The following NRXN1 variants were observed in gnomAD, a reference collection of about 807,000 sequenced individuals.
NRXN1 encodes the protein neurexin-1.
Under a neutral mutation model 150.9 loss-of-function variants are expected in NRXN1, and 39 were observed. The ratio of observed to expected loss-of-function variants is 0.26; its 90% CI spans 0.20 to 0.34. NRXN1 has a LOEUF of 0.34. Ranked by LOEUF, NRXN1 falls within the 10% of genes least tolerant of loss-of-function variation. The pLI is 1.00. For synonymous variants in NRXN1, 924 were observed against 757.0 expected, an observed-to-expected ratio of 1.22 and a Z score of -3.62; for missense variants, 1,815 against 1,949.9, an observed-to-expected ratio of 0.93 and a Z score of 1.30.
chr2:50,514,323 A>G (rs2092562242), intron 12 of NRXN1, among the ~76,000 whole-genome samples: 3 of 152,204 alleles, frequency 2.0e-5, no homozygotes, highest in Admixed American at 6.5e-5. Flanking sequence ...TGAATTAGGA[A>G]GAGAAGTTAC....
intron 5 of NRXN1, among the ~76,000 whole-genome samples, chr2:50,625,804 G>C (rs1190379506): frequency 6.6e-6 from 1 of 152,052 alleles, no homozygotes; most frequent in African/African-American, 2.4e-5. Context: ...GATACAATGA[G>C]ATAATGTCTG....
In NRXN1 at chr2:50,757,053, T is replaced by C. The variant is rs185946913; in HGVS notation, c.833-133438A>G. ...TTGTTTTTAAATGTGATGGTTTTCT[T>C]GGTGACATTTTGAAGTCAATCTTTT... On this transcript the variant is annotated intron_variant, in intron 5 of 22. Transcript: ENST00000401669. 7.9e-5 allele frequency among the ~76,000 whole-genome samples: 12 copies of C among 152,042 alleles called. No homozygotes were observed. The East Asian group carries it at 2.1e-3, about 27-fold the overall frequency.
chr2:50,304,892 C>T (rs995660486), intron 17 of NRXN1, among the ~76,000 whole-genome samples: 1 of 152,058 alleles, frequency 6.6e-6, no homozygotes, highest in Non-Finnish European at 1.5e-5. Flanking sequence ...GAGTTCGAGA[C>T]CAGCCTGGCC....
intron 17 of NRXN1, among the ~76,000 whole-genome samples, chr2:50,261,345 C>T (rs1007629986): frequency 2.6e-5 from 4 of 151,744 alleles, no homozygotes; most frequent in Admixed American, 6.6e-5. Context: ...AGGAAAGCCT[C>T]TAAGGTACGC....
intron 2 of NRXN1, among the ~76,000 whole-genome samples, chr2:50,948,899 C>T (rs1690836668): frequency 1.3e-5 from 2 of 151,968 alleles, no homozygotes; most frequent in Admixed American, 1.3e-4. Context: ...TGTGAGTTTC[C>T]TGAATAGGTA....
intron 18 of NRXN1, among the ~76,000 whole-genome samples, chr2:50,121,949 A>G (rs1703916408): frequency 6.6e-6 from 1 of 152,188 alleles, no homozygotes; most frequent in African/African-American, 2.4e-5. Context: ...AATAAACAAA[A>G]CCTGCAAAGG....
chr2:50,048,012 A>G (rs1692106234), intron 21 of NRXN1, among the ~76,000 whole-genome samples: 1 of 152,090 alleles, frequency 6.6e-6, no homozygotes, highest in Admixed American at 6.6e-5. Flanking sequence ...CATCTAGTAA[A>G]ACCTCCAGAC....
At position 50,152,136 on chromosome 2, in the gene NRXN1, C is replaced by T. The variant is rs544870751; in HGVS notation, c.3547-60642G>A. Among the ~76,000 whole-genome samples, 14 of 151,812 alleles carry T rather than the reference C, an allele frequency of 9.2e-5. No individual in the cohort carries two copies. In the South Asian group the frequency reaches 2.7e-3, roughly 29 times the overall value. The stretch of plus-strand genomic sequence containing the variant: ...TCATATTGTTGTACAACGGTCACCA[C>T]CATGCATCTCAATAACTCTTTCTAT... On this transcript the variant is annotated intron_variant, in intron 18 of 22. Transcript: ENST00000401669.
intron 2 of NRXN1, among the ~76,000 whole-genome samples, chr2:50,990,891 A>G (rs1698442347): frequency 6.6e-6 from 1 of 152,044 alleles, no homozygotes; most frequent in South Asian, 2.1e-4. Flanking sequence ...GGGATAAGTA[A>G]CAACAGACAG....
At chr2:50,316,735 T>C (rs973830989) in intron 17 of NRXN1, among the ~76,000 whole-genome samples, 2 of 152,034 alleles carry the variant, frequency 1.3e-5, no homozygotes, top group African/African-American at 2.4e-5. Context: ...TCACTTTTGA[T>C]TTAATGAGAA....
At chr2:50,383,896 C>A (rs764638891) in intron 17 of NRXN1, among the ~76,000 whole-genome samples, 2 of 152,200 alleles carry the variant, frequency 1.3e-5, no homozygotes, top group Admixed American at 6.5e-5. Context: ...TGGGAACTGG[C>A]AGCTAATCTT....
chr2:50,273,313 T>C (rs866904306), intron 17 of NRXN1, among the ~76,000 whole-genome samples: 10 of 152,194 alleles, frequency 6.6e-5, no homozygotes, highest in Middle Eastern at 3.2e-3. Flanking sequence ...TTTATATAAA[T>C]AGCCAGTTTA....
At chr2:50,791,810 T>C (rs1706089484) in intron 5 of NRXN1, among the ~76,000 whole-genome samples, 1 of 152,128 alleles carries the variant, frequency 6.6e-6, no homozygotes. Context: ...CACACCAAAT[T>C]GCAGTCTCCA....
chr2:50,373,414 C>A (rs2080181950), intron 17 of NRXN1, among the ~76,000 whole-genome samples: 1 of 149,724 alleles, frequency 6.7e-6, no homozygotes. Context: ...CCACTCCCGG[C>A]AGCTGGATCT....
chr2:50,552,439 G>A (rs1159062834), intron 9 of NRXN1, 148 bp downstream of exon 9: 3 of 635,388 alleles, frequency 4.7e-6, no homozygotes, highest in Admixed American at 2.9e-5. Context: ...TTCATGGTGT[G>A]AAACAGAAGC....
intron 22 of NRXN1, among the ~76,000 whole-genome samples, chr2:49,941,982 C>T (rs1303658432): frequency 6.6e-6 from 1 of 152,130 alleles, no homozygotes; most frequent in Non-Finnish European, 1.5e-5. Flanking sequence ...AAAGCAATAG[C>T]AATGACTTTT....
chr2:50,833,487 T>A (rs1671689760), intron 5 of NRXN1, among the ~76,000 whole-genome samples: 1 of 152,196 alleles, frequency 6.6e-6, no homozygotes, highest in South Asian at 2.1e-4. Context: ...GAGCAATCTA[T>A]TTACAGAGAG....
intron 2 of NRXN1, among the ~76,000 whole-genome samples, chr2:50,970,012 C>G (rs2104775727): frequency 6.6e-6 from 1 of 152,254 alleles, no homozygotes; most frequent in Admixed American, 6.5e-5. Context: ...TGTCTAGACT[C>G]TTCCTGGCCT....
At chr2:50,498,909 C>T (rs2091792092) in intron 13 of NRXN1, among the ~76,000 whole-genome samples, 1 of 152,154 alleles carries the variant, frequency 6.6e-6, no homozygotes, top group South Asian at 2.1e-4. Context: ...TTTCAAGTTA[C>T]CTCTTTCCAT....
Sources: gnomAD v4.1 joint callset for allele counts (sites outside exome capture counted in the v4.1 genomes callset) on GRCh38, gnomAD v4.1.1 for gene constraint, MANE v1.5 for transcripts, NCBI Gene and HGNC (gene_info 2026-07-23, HGNC 2026-07-21) for gene names.